Variants in PARL observed in about 807,000 individuals in gnomAD.
PARL encodes presenilin associated rhomboid like.
PARL carries 44 observed loss-of-function variants against 51.6 expected under a neutral mutation model. That is an observed-to-expected ratio of 0.85 (90% confidence interval 0.67 to 1.10). PARL has a LOEUF of 1.10. Among genes scored for constraint, PARL ranks in the 50% least tolerant of loss-of-function variants. The pLI is 0.00. For synonymous variants in PARL, 172 were observed against 164.0 expected (o/e 1.05, Z -0.37); for missense variants, 441 against 469.5 (o/e 0.94, Z 0.56).
chr3:183,845,492 C>T (rs921416044), intron 4 of PARL, among the ~76,000 whole-genome samples: 9 of 152,212 alleles, frequency 5.9e-5, no homozygotes, highest in African/African-American at 2.2e-4. Flanking sequence ...TTTTGTTGAA[C>T]TGATTCCATC....
intron 1 of PARL, among the ~76,000 whole-genome samples, chr3:183,869,613 C>T (rs996325300): frequency 1.3e-4 from 19 of 151,582 alleles, no homozygotes; most frequent in Admixed American, 9.2e-4. Context: ...ATATATATAA[C>T]GAACAATATT....
intron 4 of PARL, among the ~76,000 whole-genome samples, chr3:183,862,253 G>A (rs1392575281): frequency 3.3e-5 from 5 of 152,166 alleles, no homozygotes; most frequent in Admixed American, 6.5e-5. Flanking sequence ...GGAGAAGAGC[G>A]AAAACTGGTT....
chr3:183,844,067 G>A (rs2108616015), intron 5 of PARL, among the ~76,000 whole-genome samples, 164 bp downstream of exon 5: 1 of 152,198 alleles, frequency 6.6e-6, no homozygotes, highest in African/African-American at 2.4e-5. Flanking sequence ...GAAAAAGAGA[G>A]GTGAGGTCCC....
At chr3:183,846,933 A>C (rs1730019857) in intron 4 of PARL, among the ~76,000 whole-genome samples, 1 of 152,262 alleles carries the variant, frequency 6.6e-6, no homozygotes, top group African/African-American at 2.4e-5. Context: ...CCAAGCCAGA[A>C]TTCCTAATCT....
chr3:183,832,393 G>T (rs781523336), intron 9 of PARL, among the ~76,000 whole-genome samples: 32 of 151,902 alleles, frequency 2.1e-4, no homozygotes, highest in Non-Finnish European at 4.0e-4. Context: ...TAAGTTTTTT[G>T]TATTTTTAGT....
chr3:183,832,019 G>A (rs947271123), intron 9 of PARL, among the ~76,000 whole-genome samples: 2 of 152,074 alleles, frequency 1.3e-5, no homozygotes, highest in Non-Finnish European at 2.9e-5. Flanking sequence ...GATAAATTTA[G>A]AGCTCACAAA....
At chr3:183,840,705 TTTTC>T (rs1440018647) in intron 6 of PARL, 65 bp from the exon 7 acceptor site, 6 of 825,678 alleles carry the variant, frequency 7.3e-6, no homozygotes, top group East Asian at 2.7e-5. Flanking sequence ...TTTTTTTTTC[TTTTC>T]TTTTTTTTTT....
At chr3:183,849,430 C>A (rs745309480) in intron 4 of PARL, among the ~76,000 whole-genome samples, 1 of 151,986 alleles carries the variant, frequency 6.6e-6, no homozygotes, top group Non-Finnish European at 1.5e-5. Flanking sequence ...AAATAACCAA[C>A]GGTTCAAAGA....
intron 4 of PARL, among the ~76,000 whole-genome samples, chr3:183,861,976 T>C (rs1008884336): frequency 8.5e-5 from 13 of 152,152 alleles, no homozygotes; most frequent in African/African-American, 2.4e-4. Flanking sequence ...GGTTTTGTCA[T>C]GTTGCCTGAG....
intron 4 of PARL, chr3:183,844,588 T>A (rs1267002266): frequency 3.9e-5 from 16 of 414,422 alleles, no homozygotes; most frequent in Non-Finnish European, 6.6e-5. Context: ...ATATTTTACT[T>A]CTTTAGAAGA....
intron 7 of PARL, among the ~76,000 whole-genome samples, chr3:183,834,190 A>G (rs1450895790): frequency 6.6e-6 from 1 of 152,234 alleles, no homozygotes; most frequent in African/African-American, 2.4e-5. Flanking sequence ...GAATACGCCC[A>G]AAGAAACCTG....
intron 4 of PARL, among the ~76,000 whole-genome samples, chr3:183,845,923 G>A (rs916627365): frequency 2.0e-5 from 3 of 152,084 alleles, no homozygotes; most frequent in African/African-American, 2.4e-5. Context: ...CATAAAGATC[G>A]GATTGCTATG....
intron 1 of PARL, among the ~76,000 whole-genome samples, chr3:183,881,016 A>G (rs895174062): frequency 1.3e-4 from 20 of 151,330 alleles, no homozygotes; most frequent in Admixed American, 2.6e-4. Flanking sequence ...GAGTCTCCCT[A>G]TATTGCCCAG....
chr3:183,864,878 G>A (rs1274630055), intron 3 of PARL, among the ~76,000 whole-genome samples: 2 of 146,624 alleles, frequency 1.4e-5, no homozygotes, highest in Non-Finnish European at 3.0e-5. Context: ...TAAAGTAAAT[G>A]AAAAGCTCTA....
chr3:183,832,489 G>C (rs915256225), intron 9 of PARL, among the ~76,000 whole-genome samples: 16 of 152,018 alleles, frequency 1.1e-4, no homozygotes, highest in Non-Finnish European at 4.4e-5. Flanking sequence ...AAAGTGCTGG[G>C]ATTACAGGCG....
At chr3:183,833,418 T>G in intron 9 of PARL, 74 bp downstream of exon 9, 1 of 882,388 alleles carries the variant, frequency 1.1e-6, no homozygotes, top group Non-Finnish European at 1.9e-6. Context: ...GGATGGGGGG[T>G]AGGGGTGAGG....
chr3:183,851,578 C>T (rs1730551717), intron 4 of PARL, among the ~76,000 whole-genome samples: 1 of 151,872 alleles, frequency 6.6e-6, no homozygotes, highest in African/African-American at 2.4e-5. Flanking sequence ...AAAGGCAAAT[C>T]AAAACCACAG....
chr3:183,884,718 T>C lies in PARL; in HGVS notation c.125+4A>G, dbSNP rs1240692813. The C allele has an allele frequency of 2.0e-5, 32 of 1,588,882 alleles. No individual in the cohort carries two copies. The highest frequency in any genetic ancestry group is 6.8e-5 in the South Asian group (6 of 87,984). ...CGAGAAGACCAGAGCGCGGCGGCTA[T>C]TACCTGCGTCCGAGGAGCTGCGGCG... On this transcript the variant is annotated splice_donor_region_variant and intron_variant, in intron 1 of 9. Coordinates refer to ENST00000317096, the MANE Select transcript of PARL (RefSeq NM_018622.7).
chr3:183,837,891 C>G (rs750143596), intron 7 of PARL, among the ~76,000 whole-genome samples: 2 of 152,124 alleles, frequency 1.3e-5, no homozygotes, highest in Non-Finnish European at 2.9e-5. Flanking sequence ...GTAGGAGGAT[C>G]ACTTGAGCCC....
Sources: gnomAD v4.1 joint callset for allele counts (sites outside exome capture counted in the v4.1 genomes callset) on GRCh38, gnomAD v4.1.1 for gene constraint, MANE v1.5 for transcripts, NCBI Gene and HGNC (gene_info 2026-07-23, HGNC 2026-07-21) for gene names.